COQ8B: variants seen among roughly 807,000 people sequenced by gnomAD.
The protein encoded by COQ8B is coenzyme Q8B.
Under a neutral mutation model 62.0 loss-of-function variants are expected in COQ8B, and 44 were observed. The observed-to-expected ratio is 0.71, with a 90% CI of 0.56 to 0.91. The LOEUF (loss-of-function observed/expected upper bound fraction) is 0.91, where lower values mean the gene tolerates loss of function less well. Among genes scored for constraint, COQ8B ranks in the 40% least tolerant of loss-of-function variants. The pLI, the probability that COQ8B is intolerant of heterozygous loss-of-function variation, is 0.00. For synonymous variants in COQ8B, 252 were observed against 289.9 expected, an observed-to-expected ratio of 0.87 and a Z score of 1.33; for missense variants, 649 against 731.6, an observed-to-expected ratio of 0.89 and a Z score of 1.30.
In COQ8B at chr19:40,714,266, G is replaced by C; in HGVS notation, c.222+12C>G. The stretch of plus-strand genomic sequence containing the variant: ...TCGTGGGGTGTTGCTGGGTGGGTGG[G>C]GGTAATGATACCTGGGGCCGGGGTG... On this transcript the variant is annotated intron_variant, in intron 3 of 14. Coordinates refer to ENST00000324464, the MANE Select transcript of COQ8B (RefSeq NM_024876.4). The C allele has an allele frequency of 6.2e-7, 1 of 1,610,142 alleles. No individual in the cohort carries two copies. Among genetic ancestry groups the C allele is most frequent in the Non-Finnish European group, 8.5e-7 (1 of 1,177,834 alleles).
chr19:40,711,599 C>G (rs2082142436), intron 4 of COQ8B, among the ~76,000 whole-genome samples: 2 of 152,178 alleles, frequency 1.3e-5, no homozygotes, highest in Non-Finnish European at 2.9e-5. Flanking sequence ...ATCTCTTTCT[C>G]TCTTTTCCTC....
chr19:40,714,795 T>C (rs2082172184), intron 1 of COQ8B, 160 bp from the exon 2 acceptor site: 1 of 1,337,802 alleles, frequency 7.5e-7, no homozygotes, highest in Non-Finnish European at 9.7e-7. Flanking sequence ...CCCTGGTTGC[T>C]AGGAACCCTT....
intron 12 of COQ8B, 73 bp from the exon 13 acceptor site, chr19:40,696,127 A>C (rs1486036211): frequency 2.0e-6 from 3 of 1,519,560 alleles, no homozygotes; most frequent in Non-Finnish European, 1.8e-6. Context: ...GGCAGCCAGG[A>C]TCTGTCTCCC....
At chr19:40,714,985 A>G in intron 1 of COQ8B, 1 of 1,027,930 alleles carries the variant, frequency 9.7e-7, no homozygotes, top group Non-Finnish European at 1.2e-6. Context: ...AGGCACCCGC[A>G]ATTCCTCCGG....
intron 4 of COQ8B, 102 bp from the exon 5 acceptor site, chr19:40,710,238 A>C: frequency 1.9e-6 from 2 of 1,080,942 alleles, no homozygotes; most frequent in Admixed American, 4.0e-5. Flanking sequence ...TTGTCTCCCA[A>C]CTCTTTTTAT....
intron 13 of COQ8B, among the ~76,000 whole-genome samples, chr19:40,693,657 T>G (rs1196429239): frequency 6.6e-6 from 1 of 152,158 alleles, no homozygotes; most frequent in Non-Finnish European, 1.5e-5. Context: ...GCCGGCCTGT[T>G]GGGCCTCCAC....
chr19:40,692,817 C>T (rs1405197733), intron 14 of COQ8B, 134 bp downstream of exon 14: 4 of 714,256 alleles, frequency 5.6e-6, no homozygotes, highest in Non-Finnish European at 9.4e-6. Flanking sequence ...GGAGACAAGC[C>T]CCTCCTAGAG....
In COQ8B at chr19:40,713,876, CAAAAAAA is replaced by C. The variant is rs374895523; in HGVS notation, c.289+184_289+190del. ...TGGGTGACAAAGTGAGACTCTGTCT[CAAAAAAA>C]AAAAAAAAAATTATCATTTATGTTC... On this transcript the variant is annotated intron_variant, in intron 4 of 14. Transcript: ENST00000324464. 4.3e-5 allele frequency among the ~76,000 whole-genome samples: 5 copies of C among 116,570 alleles called. No individual in the cohort carries two copies. The East Asian group carries it at 1.2e-3, about 29-fold the overall frequency. 76.5% of individuals were successfully genotyped at this position (116,570 alleles called of 152,430 possible).
chr19:40,703,528 G>A lies in COQ8B; in HGVS notation c.799+13C>T. 1.3e-6 allele frequency: 2 copies of A among 1,592,262 alleles called. No individual in the cohort carries two copies. The highest frequency in any genetic ancestry group is 1.7e-6 in the Non-Finnish European group (2 of 1,167,628). Reference sequence around the variant, plus strand: ...CTTTGGGAGGTCAGCAGAGGAGTGGGTGGGCGCCTCACCCGCGGGCAGGGC... The same window carrying A: ...CTTTGGGAGGTCAGCAGAGGAGTGGATGGGCGCCTCACCCGCGGGCAGGGC... On this transcript the variant is annotated intron_variant, in intron 9 of 14. Transcript: ENST00000324464.
At chr19:40,702,404 T>C (rs151200403) in intron 10 of COQ8B, among the ~76,000 whole-genome samples, 196 bp downstream of exon 10, 3,411 of 152,148 alleles carry the variant, frequency 0.022, 51 homozygotes, top group Non-Finnish European at 0.033. Flanking sequence ...GCTTGGGAAG[T>C]GACCTGCCCA....
In COQ8B at chr19:40,702,712, A is replaced by C. The variant is rs1157112535; in HGVS notation, c.800-19T>G. 2 of 1,604,018 alleles carry C rather than the reference A, an allele frequency of 1.2e-6. No individual in the cohort carries two copies. Among genetic ancestry groups the C allele is most frequent in the Non-Finnish European group, 1.7e-6 (2 of 1,179,590 alleles). ...AACAGGCCTGTGGGGGAGGTGTGTC[A>C]GCCAGGGAAGGGCCCCGAGCGCCCA... On this transcript the variant is annotated intron_variant, in intron 9 of 14. Transcript: ENST00000324464.
intron 12 of COQ8B, among the ~76,000 whole-genome samples, chr19:40,697,875 G>GAGAGAGAGAGAGAGAGAGAGC (rs58313890): frequency 1.9e-5 from 2 of 103,470 alleles, no homozygotes; most frequent in East Asian, 2.9e-4. Flanking sequence ...GAGAGAGAGA[G>GAGAGAGAGAGAGAGAGAGAGC]AGTTTCTACT....
intron 7 of COQ8B, 47 bp from the exon 8 acceptor site, chr19:40,703,902 C>A: frequency 6.4e-7 from 1 of 1,568,102 alleles, no homozygotes. Context: ...GAGTTCATTC[C>A]CCAGGCTGAG....
chr19:40,714,978 C>G (rs909388479), intron 1 of COQ8B: 2 of 1,045,776 alleles, frequency 1.9e-6, no homozygotes, highest in Non-Finnish European at 2.3e-6. Flanking sequence ...GCCCTGTAGG[C>G]ACCCGCAATT....
At chr19:40,704,563 C>T in intron 7 of COQ8B, 1 of 154,434 alleles carries the variant, frequency 6.5e-6, no homozygotes. Flanking sequence ...TCAGAGTGGC[C>T]CAGAGAGAGG....
At position 40,712,270 on chromosome 19, in the gene COQ8B, C is replaced by T. The variant is rs148053437; in HGVS notation, c.289+1797G>A. ...TGACCAACATGGTGAAACCCCATCT[C>T]TACTAAAAATACAGAAATTAGCGGT... On this transcript the variant is annotated intron_variant, in intron 4 of 14. Transcript: ENST00000324464. 5.4e-3 allele frequency among the ~76,000 whole-genome samples: 825 copies of T among 152,002 alleles called. 3 individuals are homozygous for T. The highest frequency in any genetic ancestry group is 8.5e-3 in the Non-Finnish European group (580 of 67,964).
In COQ8B at chr19:40,700,049, A is replaced by G. The variant is rs2144692871; in HGVS notation, c.1143+18T>C. 1.9e-6 allele frequency: 3 copies of G among 1,606,586 alleles called. No homozygotes were observed. In the Middle Eastern group the frequency reaches 5.0e-4, roughly 266 times the overall value. On this transcript the variant is annotated intron_variant, in intron 12 of 14. Coordinates refer to ENST00000324464, the MANE Select transcript of COQ8B (RefSeq NM_024876.4). ...TACAACAGCAAATGTACCCAGACAC[A>G]CATCACTAGGAACCAACCTGGTGGC...
At chr19:40,703,444 A>C in intron 9 of COQ8B, 97 bp downstream of exon 9, 1 of 1,274,350 alleles carries the variant, frequency 7.8e-7, no homozygotes, top group Non-Finnish European at 1.1e-6. Context: ...ACGCCAGCAC[A>C]CCCTGCCCGT....
chr19:40,703,557 G>A lies in COQ8B; in HGVS notation c.783C>T (p.Ser261=), dbSNP rs138907351. The A allele has an allele frequency of 3.0e-5, 48 of 1,607,526 alleles. No individual in the cohort carries two copies. Among genetic ancestry groups the A allele is most frequent in the Admixed American group, 3.4e-5 (2 of 59,582 alleles). The stretch of plus-strand genomic sequence containing the variant: ...GCGCCTCACCCGCGGGCAGGGCCGC[G>A]CTCATCTTGAGTACCGCCAGCAGGT... ...VQNLLAVLKM[S]AALPAGLFAE... The change falls in exon 9 of 15, where the codon AGC becomes AGT. Residue 261 remains serine, a synonymous_variant. Coordinates refer to ENST00000324464, the MANE Select transcript of COQ8B (RefSeq NM_024876.4).
Sources: allele counts gnomAD v4.1 joint callset (sites outside exome capture counted in the v4.1 genomes callset), GRCh38; gene constraint gnomAD v4.1.1; transcripts MANE v1.5; gene names NCBI Gene and HGNC (gene_info 2026-07-23, HGNC 2026-07-21).